UBR1: variants seen among roughly 807,000 people sequenced by gnomAD.
UBR1 encodes the protein E3 ubiquitin-protein ligase UBR1.
UBR1 carries 102 observed loss-of-function variants against 242.1 expected under a neutral mutation model. The ratio of observed to expected loss-of-function variants is 0.42; its 90% CI spans 0.36 to 0.50. The LOEUF (loss-of-function observed/expected upper bound fraction) is 0.50. Ranked by LOEUF, UBR1 falls within the 20% of genes least tolerant of loss-of-function variation. UBR1 has a pLI of 0.01. For missense variants in UBR1, 1,772 were observed against 2,101.8 expected, an observed-to-expected ratio of 0.84 and a Z score of 3.07; for synonymous variants, 675 against 684.8, an observed-to-expected ratio of 0.99 and a Z score of 0.22.
rs148797320 is a variant in UBR1 at position 43,043,280 on chromosome 15, G to A, written c.1784C>T (p.Thr595Ile). 1 of 1,614,070 alleles carries A rather than the reference G, an allele frequency of 6.2e-7. No individual in the cohort carries two copies. The highest frequency in any genetic ancestry group is 8.5e-7 in the Non-Finnish European group (1 of 1,180,000). ...ATCCTCAGATACTCTGTAGGACTTT[G>A]TTTCCAAACTATGTCCACACGATTG... ...VVQSCGHSLE[T>I]KSYRVSEDLV... The change falls in exon 15 of 47, where the codon ACA becomes ATA. Residue 595 changes from threonine (T) to isoleucine (I), a missense_variant. Physicochemically the swap from Thr to Ile is moderately conservative, Grantham distance 89 (BLOSUM62 -1). Coordinates refer to ENST00000290650, the MANE Select transcript of UBR1 (RefSeq NM_174916.3).
At chr15:43,093,322 A>G (rs1284636292) in intron 1 of UBR1, among the ~76,000 whole-genome samples, 1 of 152,214 alleles carries the variant, frequency 6.6e-6, no homozygotes, top group South Asian at 2.1e-4. Context: ...GAGCCTTCAG[A>G]GCCCAGTAAT....
At chr15:43,035,743 G>C (rs964742140) in intron 19 of UBR1, among the ~76,000 whole-genome samples, 1 of 150,546 alleles carries the variant, frequency 6.6e-6, no homozygotes, top group Admixed American at 6.7e-5. Flanking sequence ...TTTTCTTCTA[G>C]GGTTTTTATG....
chr15:43,077,246 G>C (rs1169290961), intron 3 of UBR1, among the ~76,000 whole-genome samples: 1 of 152,098 alleles, frequency 6.6e-6, no homozygotes, highest in Non-Finnish European at 1.5e-5. Context: ...GAAATCGGAT[G>C]GTTGCCGGGT....
chr15:43,085,132 C>T (rs1334219881), intron 2 of UBR1, among the ~76,000 whole-genome samples: 2 of 152,240 alleles, frequency 1.3e-5, no homozygotes, highest in Admixed American at 6.5e-5. Context: ...ATCCAAATAG[C>T]TCCAAAACTG....
chr15:43,051,505 TAAC>T (rs1429244334), intron 12 of UBR1, among the ~76,000 whole-genome samples: 2 of 151,906 alleles, frequency 1.3e-5, no homozygotes, highest in Non-Finnish European at 2.9e-5. Context: ...AAAATAATCT[TAAC>T]AACAAACCCC....
chr15:42,950,311 A>C lies in UBR1; in HGVS notation c.5059T>G (p.Tyr1687Asp), dbSNP rs771784188. 2.5e-6 allele frequency: 4 copies of C among 1,614,222 alleles called. No homozygotes were observed. Among genetic ancestry groups the C allele is most frequent in the Non-Finnish European group, 3.4e-6 (4 of 1,180,042 alleles). The change falls in exon 46 of 47, where the codon TAT (tyrosine) becomes GAT (aspartate). Residue 1687 changes from tyrosine (Y) to aspartate (D), a missense_variant. Coordinates refer to ENST00000290650, the MANE Select transcript of UBR1 (RefSeq NM_174916.3). ...LVEGKARGCA[Y>D]PAPYLDEYGE... ...TATTCATCCAAGTAAGGAGCTGGATAGGCACAGCCTCTGGCTTTACCTTCA... is the reference window on the plus strand; with the variant it reads ...TATTCATCCAAGTAAGGAGCTGGATCGGCACAGCCTCTGGCTTTACCTTCA...
intron 27 of UBR1, 75 bp from the exon 28 acceptor site, chr15:43,017,256 T>A: frequency 1.9e-6 from 2 of 1,041,606 alleles, no homozygotes; most frequent in East Asian, 4.9e-5. Context: ...CATTCACTAA[T>A]CTGATTTTGG....
intron 46 of UBR1, 99 bp downstream of exon 46, chr15:42,950,163 A>T: frequency 8.9e-7 from 1 of 1,129,600 alleles, no homozygotes; most frequent in East Asian, 2.4e-5. Flanking sequence ...TGATTAAAGA[A>T]CTATTACCGT....
intron 37 of UBR1, among the ~76,000 whole-genome samples, chr15:42,978,892 CTTTTT>C (rs754093273): frequency 3.2e-5 from 3 of 94,052 alleles, no homozygotes; most frequent in African/African-American, 7.8e-5. Flanking sequence ...CCACGCCCGG[CTTTTT>C]TTTTTTTTTT....
chr15:43,084,984 T>C (rs1307553671), intron 2 of UBR1, among the ~76,000 whole-genome samples: 2 of 152,230 alleles, frequency 1.3e-5, no homozygotes, highest in African/African-American at 4.8e-5. Flanking sequence ...CTCTGTGCTG[T>C]CACGAAGTTT....
chr15:42,984,028 A>G, intron 36 of UBR1, 35 bp from the exon 37 acceptor site: 1 of 1,558,024 alleles, frequency 6.4e-7, no homozygotes, highest in Non-Finnish European at 8.8e-7. Context: ...TAAAAAGATG[A>G]GGGAAGATGA....
chr15:43,077,174 G>T (rs2033916068), intron 3 of UBR1, among the ~76,000 whole-genome samples: 1 of 151,012 alleles, frequency 6.6e-6, no homozygotes, highest in Non-Finnish European at 1.5e-5. Flanking sequence ...ATTGGGGATG[G>T]GCCATGATGA....
chr15:43,019,017 A>G (rs2033067364), intron 27 of UBR1, among the ~76,000 whole-genome samples: 2 of 152,194 alleles, frequency 1.3e-5, no homozygotes, highest in African/African-American at 4.8e-5. Flanking sequence ...TAACACAAAT[A>G]CTACATATTC....
At chr15:43,105,882 C>T in intron 1 of UBR1, 60 bp downstream of exon 1, 1 of 1,539,434 alleles carries the variant, frequency 6.5e-7, no homozygotes, top group Non-Finnish European at 9.0e-7. Flanking sequence ...CCACATCCTC[C>T]TAAGCGCAGT....
intron 40 of UBR1, among the ~76,000 whole-genome samples, chr15:42,967,671 C>T (rs2032131017): frequency 1.3e-5 from 2 of 151,530 alleles, no homozygotes; most frequent in Admixed American, 6.6e-5. Context: ...ATGGTACCTC[C>T]CTAATGCAAG....
intron 44 of UBR1, among the ~76,000 whole-genome samples, chr15:42,957,047 T>C (rs1366841323): frequency 6.6e-6 from 1 of 152,208 alleles, no homozygotes; most frequent in African/African-American, 2.4e-5. Flanking sequence ...GAAAACTTTA[T>C]GTCCACAAAG....
At chr15:42,991,149 G>A (rs1263548030) in intron 33 of UBR1, among the ~76,000 whole-genome samples, 4 of 151,660 alleles carry the variant, frequency 2.6e-5, no homozygotes, top group East Asian at 1.9e-4. Flanking sequence ...GGTGGCGGGT[G>A]CCTGTAATCC....
intron 29 of UBR1, among the ~76,000 whole-genome samples, chr15:43,009,940 G>C (rs774732728): frequency 6.6e-6 from 1 of 152,132 alleles, no homozygotes; most frequent in Non-Finnish European, 1.5e-5. Flanking sequence ...GCGCGATCTC[G>C]GCTCACTGCA....
intron 28 of UBR1, among the ~76,000 whole-genome samples, chr15:43,016,553 ATT>A (rs2033026738): frequency 6.6e-6 from 1 of 152,206 alleles, no homozygotes; most frequent in Non-Finnish European, 1.5e-5. Flanking sequence ...ACTAAAATAT[ATT>A]AAAAGTTAAT....
Sources: allele counts gnomAD v4.1 joint callset (sites outside exome capture counted in the v4.1 genomes callset), GRCh38; gene constraint gnomAD v4.1.1; transcripts MANE v1.5; gene names NCBI Gene and HGNC (gene_info 2026-07-23, HGNC 2026-07-21).